LMBRD1: variants seen among roughly 807,000 people sequenced by gnomAD.
LMBRD1 encodes LMBR1 domain containing 1, also known as lysosomal cobalamin transport escort protein LMBD1.
LMBRD1 carries 64 observed loss-of-function variants against 74.8 expected under a neutral mutation model. The ratio of observed to expected loss-of-function variants is 0.86; its 90% CI spans 0.70 to 1.05. The LOEUF (loss-of-function observed/expected upper bound fraction) is 1.05. Among genes scored for constraint, LMBRD1 ranks in the 50% least tolerant of loss-of-function variants. LMBRD1 has a pLI of 0.00. For synonymous variants in LMBRD1, 204 were observed against 216.3 expected, an observed-to-expected ratio of 0.94 and a Z score of 0.50; for missense variants, 652 against 645.9, an observed-to-expected ratio of 1.01 and a Z score of -0.10.
intron 14 of LMBRD1, among the ~76,000 whole-genome samples, chr6:69,691,875 CAAAAAAAAAA>C (rs34100007): frequency 4.6e-5 from 3 of 65,114 alleles, no homozygotes; most frequent in African/African-American, 1.4e-4. Context: ...GACTCCGTCT[CAAAAAAAAAA>C]AAAAAAAAAA....
intron 14 of LMBRD1, among the ~76,000 whole-genome samples, chr6:69,679,668 C>A (rs1034356140): frequency 1.3e-5 from 2 of 151,964 alleles, no homozygotes; most frequent in African/African-American, 4.8e-5. Flanking sequence ...ACTAAAATGT[C>A]CAGCATGGTG....
Position 69,697,546 on chromosome 6 carries a change from A to G in LMBRD1, c.1417+17T>C. 1 of 1,550,994 alleles carries G rather than the reference A, an allele frequency of 6.4e-7. No homozygotes were observed. Among genetic ancestry groups the G allele is most frequent in the South Asian group, 1.1e-5 (1 of 89,688 alleles). On this transcript the variant is annotated intron_variant, in intron 14 of 15. Transcript: ENST00000649934. ...TTTTCCTAAAAAGTTGTAAGTTCTA[A>G]AACAAGCTGTTTTTACCTTCAGGAG...
intron 3 of LMBRD1, among the ~76,000 whole-genome samples, chr6:69,767,366 T>C (rs1765493238): frequency 6.6e-6 from 1 of 151,682 alleles, no homozygotes; most frequent in African/African-American, 2.4e-5. Context: ...CTGCTTGAGC[T>C]ATATCCCGTA....
intron 12 of LMBRD1, among the ~76,000 whole-genome samples, chr6:69,700,365 A>C (rs534807289): frequency 6.6e-6 from 1 of 151,934 alleles, no homozygotes; most frequent in South Asian, 2.1e-4. Context: ...TTATATTCGA[A>C]TGTGTTTCTA....
In LMBRD1 at chr6:69,727,885, T is replaced by C. The variant is rs144436034; in HGVS notation, c.637-8804A>G. The stretch of plus-strand genomic sequence containing the variant: ...ATTTGGTTATTCTAGTACTTCCATA[T>C]TCTTTAAACATTATTGATAAAAAGT... On this transcript the variant is annotated intron_variant, in intron 7 of 15. Transcript: ENST00000649934. Among the ~76,000 whole-genome samples, 800 of 152,318 alleles carry C rather than the reference T, an allele frequency of 5.3e-3. 2 individuals carry two copies. Among genetic ancestry groups the C allele is most frequent in the Non-Finnish European group, 7.9e-3 (538 of 68,020 alleles).
At chr6:69,683,129 G>A (rs1419703251) in intron 14 of LMBRD1, among the ~76,000 whole-genome samples, 1 of 151,894 alleles carries the variant, frequency 6.6e-6, no homozygotes, top group Non-Finnish European at 1.5e-5. Flanking sequence ...CTCAACATCA[G>A]GAGACTTTCT....
intron 3 of LMBRD1, among the ~76,000 whole-genome samples, chr6:69,762,995 G>A (rs1765403585): frequency 1.3e-5 from 2 of 152,116 alleles, no homozygotes; most frequent in South Asian, 4.1e-4. Flanking sequence ...ACTGAGAAGT[G>A]GGCTGCTGTC....
At chr6:69,679,597 C>A (rs1462218933) in intron 14 of LMBRD1, among the ~76,000 whole-genome samples, 1 of 151,966 alleles carries the variant, frequency 6.6e-6, no homozygotes, top group Non-Finnish European at 1.5e-5. Flanking sequence ...AAATTGAAAT[C>A]TGACAAGATT....
In LMBRD1 at chr6:69,699,211, C is replaced by T. The variant is rs767672251; in HGVS notation, c.1189-19G>A. 2 of 1,604,750 alleles carry T rather than the reference C, an allele frequency of 1.2e-6. No individual in the cohort carries two copies. Among genetic ancestry groups the T allele is most frequent in the South Asian group, 1.1e-5 (1 of 90,866 alleles). Reference sequence around the variant, plus strand: ...TATATAACTGGAAAGAAAAGAGTGACAAAATTTCAGCAATATATTTCATTT... The same window carrying T: ...TATATAACTGGAAAGAAAAGAGTGATAAAATTTCAGCAATATATTTCATTT... On this transcript the variant is annotated intron_variant, in intron 12 of 15. Transcript: ENST00000649934.
intron 3 of LMBRD1, among the ~76,000 whole-genome samples, chr6:69,772,646 A>AG (rs1765599458): frequency 6.6e-6 from 1 of 152,158 alleles, no homozygotes; most frequent in South Asian, 2.1e-4. Context: ...TCTTTTAAAA[A>AG]GGGGGAAAAG....
At chr6:69,713,870 C>T in intron 8 of LMBRD1, 73 bp from the exon 9 acceptor site, 1 of 1,560,392 alleles carries the variant, frequency 6.4e-7, no homozygotes, top group Admixed American at 1.7e-5. Flanking sequence ...TTTAGCAGAT[C>T]AGGCAACAAA....
intron 3 of LMBRD1, among the ~76,000 whole-genome samples, chr6:69,755,344 C>T (rs1415372575): frequency 6.6e-6 from 1 of 152,094 alleles, no homozygotes; most frequent in Admixed American, 6.6e-5. Context: ...GAAAACCAAA[C>T]ATCTCATGTT....
chr6:69,768,663 A>C (rs1026388316), intron 3 of LMBRD1, among the ~76,000 whole-genome samples: 3 of 151,970 alleles, frequency 2.0e-5, no homozygotes, highest in East Asian at 1.9e-4. Flanking sequence ...TAACCATTAT[A>C]ATTTCTGATT....
chr6:69,751,574 C>G (rs1765153904), intron 4 of LMBRD1, among the ~76,000 whole-genome samples: 1 of 152,132 alleles, frequency 6.6e-6, no homozygotes, highest in Non-Finnish European at 1.5e-5. Flanking sequence ...GTGATCCGCC[C>G]GCCTCGGCCT....
intron 5 of LMBRD1, among the ~76,000 whole-genome samples, chr6:69,749,116 G>A (rs776154693): frequency 1.3e-5 from 2 of 151,850 alleles, no homozygotes; most frequent in Non-Finnish European, 2.9e-5. Flanking sequence ...ATGCAAGAAG[G>A]GAGGTGAACT....
intron 3 of LMBRD1, among the ~76,000 whole-genome samples, chr6:69,776,057 T>C (rs1039310745): frequency 2.0e-5 from 3 of 152,232 alleles, no homozygotes; most frequent in African/African-American, 4.8e-5. Context: ...TATTAACAAA[T>C]GTGGTTTTTT....
intron 5 of LMBRD1, among the ~76,000 whole-genome samples, chr6:69,745,644 G>A (rs1478198783): frequency 6.6e-6 from 1 of 152,144 alleles, no homozygotes; most frequent in Non-Finnish European, 1.5e-5. Context: ...AGGAACACCT[G>A]AAACATCATA....
At chr6:69,792,850 T>C (rs1766116062) in intron 1 of LMBRD1, among the ~76,000 whole-genome samples, 1 of 152,166 alleles carries the variant, frequency 6.6e-6, no homozygotes, top group African/African-American at 2.4e-5. Context: ...ATTTTGCCAA[T>C]ATCAGGCAGA....
At position 69,784,501 on chromosome 6, in the gene LMBRD1, G is replaced by A. The variant is rs186912709; in HGVS notation, c.247-3947C>T. 9.2e-5 allele frequency among the ~76,000 whole-genome samples: 14 copies of A among 152,286 alleles called. No individual in the cohort carries two copies. In the East Asian group the frequency reaches 2.7e-3, roughly 29 times the overall value. On this transcript the variant is annotated intron_variant, in intron 2 of 15. Transcript: ENST00000649934. ...TTTGACAATGTCCGGAGACATGGTG[G>A]ACAGAGTCAGTATACTACAGGAATC...
Sources: allele counts gnomAD v4.1 joint callset (sites outside exome capture counted in the v4.1 genomes callset), GRCh38; gene constraint gnomAD v4.1.1; transcripts MANE v1.5; gene names NCBI Gene and HGNC (gene_info 2026-07-23, HGNC 2026-07-21).